Variants in BDKRB1 observed in about 807,000 individuals in gnomAD.
BDKRB1 encodes bradykinin receptor B1, also known as B1 bradykinin receptor.
For synonymous variants in BDKRB1, 192 were observed against 189.1 expected, an observed-to-expected ratio of 1.02 and a Z score of -0.13; for missense variants, 414 against 441.4, an observed-to-expected ratio of 0.94 and a Z score of 0.56.
At chr14:96,263,524 C>T in intron 2 of BDKRB1, 149 bp from the exon 3 acceptor site, 1 of 853,192 alleles carries the variant, frequency 1.2e-6, no homozygotes. Context: ...CCCCTTGTAG[C>T]ATGAACACAG....
At position 96,264,416 on chromosome 14, in the gene BDKRB1, A is replaced by G; in HGVS notation, c.734A>G (p.Asp245Gly). The change falls in exon 3 of 3, where the codon GAT becomes GGT. Residue 245 changes from aspartate to glycine, a missense_variant. Transcript: ENST00000216629. ...VSRTRCGGRK[D>G]SKTTALILTL... Reference sequence around the variant, plus strand: ...AGGACAAGGTGCGGGGGCCGCAAGGATAGCAAGACCACAGCGCTGATCCTC... The same window carrying G: ...AGGACAAGGTGCGGGGGCCGCAAGGGTAGCAAGACCACAGCGCTGATCCTC... 1 of 1,614,188 alleles carries G rather than the reference A, an allele frequency of 6.2e-7. No homozygotes were observed. The highest frequency in any genetic ancestry group is 8.5e-7 in the Non-Finnish European group (1 of 1,180,028).
chr14:96,264,062 T>C lies in BDKRB1; in HGVS notation c.380T>C (p.Leu127Pro), dbSNP rs1317133059. The change falls in exon 3 of 3, where the codon CTG (leucine) becomes CCG (proline). Residue 127 changes from leucine to proline, a missense_variant. Leu to Pro is a moderately conservative substitution (Grantham distance 98, BLOSUM62 -3). Transcript: ENST00000216629. Reference protein sequence around the residue: ...IKANLFISIFLVVAISQDRYR... With the variant: ...IKANLFISIFPVVAISQDRYR... ...GCCAATTTGTTCATCAGCATCTTCC[T>C]GGTGGTGGCCATCAGCCAGGACCGC... The C allele has an allele frequency of 2.5e-6, 4 of 1,612,392 alleles. No individual in the cohort carries two copies. The South Asian group carries it at 4.4e-5, about 18-fold the overall frequency.
chr14:96,263,930 A>C lies in BDKRB1; in HGVS notation c.248A>C (p.Asp83Ala), dbSNP rs778542638. 23 of 1,614,068 alleles carry C rather than the reference A, an allele frequency of 1.4e-5. No individual in the cohort carries two copies. The East Asian group carries it at 2.0e-4, about 14-fold the overall frequency. Residue 83 changes from aspartate to alanine, a missense_variant, in exon 3 of 3, where the codon GAT becomes GCT. By Grantham distance (126) the Asp-to-Ala change is moderately radical. Transcript: ENST00000216629. The part of the protein sequence containing the change: ...EIYLANLAAS[D>A]LVFVLGLPFW... ...TACCTGGCCAACCTGGCAGCCTCTG[A>C]TCTGGTGTTTGTCTTGGGCTTGCCC...
chr14:96,258,671 C>A (rs1175240037), intron 1 of BDKRB1, among the ~76,000 whole-genome samples: 1 of 152,154 alleles, frequency 6.6e-6, no homozygotes, highest in Non-Finnish European at 1.5e-5. Flanking sequence ...CAGGCGCCTG[C>A]CACCATGCCC....
At chr14:96,257,186 C>T (rs1277101838) in intron 1 of BDKRB1, among the ~76,000 whole-genome samples, 1 of 152,218 alleles carries the variant, frequency 6.6e-6, no homozygotes, top group Non-Finnish European at 1.5e-5. Context: ...GCTGCAGTGG[C>T]CCCAGCCACC....
At position 96,263,308 on chromosome 14, in the gene BDKRB1, C is replaced by T. The variant is rs1885800845; in HGVS notation, c.-10-365C>T. ...TGACAACAGCCCTCCCGTGATCCCA[C>T]AAGAGAGACACGATTCTCTCCAATG... On this transcript the variant is annotated intron_variant, in intron 2 of 2. Transcript: ENST00000216629. 2.6e-5 allele frequency among the ~76,000 whole-genome samples: 4 copies of T among 152,202 alleles called. No homozygotes were observed. In the South Asian group the frequency reaches 8.3e-4, roughly 32 times the overall value.
At chr14:96,263,581 A>T (rs1044610524) in intron 2 of BDKRB1, 92 bp from the exon 3 acceptor site, 6 of 1,368,336 alleles carry the variant, frequency 4.4e-6, no homozygotes, top group Non-Finnish European at 5.8e-6. Context: ...TGCCAATAAA[A>T]CTTTATTGTC....
chr14:96,264,226 C>G lies in BDKRB1; in HGVS notation c.544C>G (p.Pro182Ala), dbSNP rs1367118672. Reference sequence around the variant, plus strand: ...CCTGCTGCGATCCATCCAAGCCGTCCCAGATCTGAACATCACCGCCTGCAT... The same window carrying G: ...CCTGCTGCGATCCATCCAAGCCGTCGCAGATCTGAACATCACCGCCTGCAT... ...TFLLRSIQAV[P>A]DLNITACILL... is the part of the protein sequence containing the mutation. Residue 182 changes from proline to alanine, a missense_variant, in exon 3 of 3, where the codon CCA becomes GCA. By Grantham distance (27) the Pro-to-Ala change is conservative. Coordinates refer to ENST00000216629, the MANE Select transcript of BDKRB1 (RefSeq NM_000710.4). 1 of 1,614,132 alleles carries G rather than the reference C, an allele frequency of 6.2e-7. No homozygotes were observed. The highest frequency in any genetic ancestry group is 1.3e-5 in the African/African-American group (1 of 75,048).
In BDKRB1 at chr14:96,263,914, A is replaced by G; in HGVS notation, c.232A>G (p.Asn78Asp). ...QLNVAEIYLANLAASDLVFVL... is the reference protein window; with the variant it reads ...QLNVAEIYLADLAASDLVFVL... ...GAACGTGGCAGAAATCTACCTGGCC[A>G]ACCTGGCAGCCTCTGATCTGGTGTT... Residue 78 changes from asparagine to aspartate, a missense_variant, in exon 3 of 3, where the codon AAC becomes GAC. Physicochemically the swap from Asn to Asp is conservative, Grantham distance 23. Transcript: ENST00000216629. 1.2e-6 allele frequency: 2 copies of G among 1,614,250 alleles called. No individual in the cohort carries two copies. The highest frequency in any genetic ancestry group is 1.1e-5 in the South Asian group (1 of 91,088).
In BDKRB1 at chr14:96,263,822, T is replaced by C. The variant is rs1218065827; in HGVS notation, c.140T>C (p.Ile47Thr). 2 of 1,614,168 alleles carry C rather than the reference T, an allele frequency of 1.2e-6. No homozygotes were observed. Among genetic ancestry groups the C allele is most frequent in the Admixed American group, 1.7e-5 (1 of 60,016 alleles). Residue 47 changes from isoleucine (I) to threonine (T), a missense_variant, in exon 3 of 3, where the codon ATC (isoleucine) becomes ACC (threonine). Transcript: ENST00000216629. Reference sequence around the variant, plus strand: ...GTGCTGCCAACATTTATCATCTCCATCTGTTTCTTCGGCCTCCTAGGGAAC... The same window carrying C: ...GTGCTGCCAACATTTATCATCTCCACCTGTTTCTTCGGCCTCCTAGGGAAC... ...HRVLPTFIIS[I>T]CFFGLLGNLF...
chr14:96,261,259 C>T (rs75498564), intron 1 of BDKRB1, among the ~76,000 whole-genome samples: 4,679 of 152,354 alleles, frequency 0.031, 132 homozygotes, highest in East Asian at 0.13. Context: ...CAACTTCTTC[C>T]TCCTGCTAGG....
At chr14:96,256,953 C>T (rs1421162595) in intron 1 of BDKRB1, among the ~76,000 whole-genome samples, 1 of 152,202 alleles carries the variant, frequency 6.6e-6, no homozygotes, top group Non-Finnish European at 1.5e-5. Context: ...GTAGACTTGC[C>T]CAGTGCCCCT....
chr14:96,264,527 G>A lies in BDKRB1; in HGVS notation c.845G>A (p.Arg282Gln), dbSNP rs780193100. The A allele has an allele frequency of 7.8e-5, 126 of 1,614,038 alleles. No individual in the cohort carries two copies. The highest frequency in any genetic ancestry group is 1.8e-4 in the East Asian group (8 of 44,874). Residue 282 changes from arginine to glutamine, a missense_variant, in exon 3 of 3, where the codon CGA (arginine) becomes CAA (glutamine). Arg to Gln is a conservative substitution (Grantham distance 43). Transcript: ENST00000216629. The stretch of plus-strand genomic sequence containing the variant: ...TTCTTATTCCAGGTGCAAGCAGTCC[G>A]AGGCTGCTTTTGGGAGGACTTCATT... The part of the protein sequence containing the change: ...LEFLFQVQAV[R>Q]GCFWEDFIDL...
chr14:96,260,650 A>C (rs1885727703), intron 1 of BDKRB1, among the ~76,000 whole-genome samples: 1 of 152,190 alleles, frequency 6.6e-6, no homozygotes. Context: ...AGCCTCCTCC[A>C]TATTATGCTC....
At chr14:96,260,702 A>C (rs368250237) in intron 1 of BDKRB1, among the ~76,000 whole-genome samples, 1 of 152,148 alleles carries the variant, frequency 6.6e-6, no homozygotes, top group African/African-American at 2.4e-5. Context: ...TGGACATTTC[A>C]CAACCACCAA....
intron 1 of BDKRB1, among the ~76,000 whole-genome samples, chr14:96,258,107 C>A (rs1449390138): frequency 6.6e-6 from 1 of 152,062 alleles, no homozygotes; most frequent in Non-Finnish European, 1.5e-5. Flanking sequence ...TCAAAAAAGT[C>A]TTTAAATATA....
intron 1 of BDKRB1, among the ~76,000 whole-genome samples, chr14:96,258,665 C>T (rs147269767): frequency 2.9e-3 from 448 of 152,258 alleles, no homozygotes; most frequent in Middle Eastern, 6.8e-3. Flanking sequence ...GGATTACAGG[C>T]GCCTGCCACC....
chr14:96,263,441 T>TC (rs1885804038), intron 2 of BDKRB1, among the ~76,000 whole-genome samples: 2 of 152,172 alleles, frequency 1.3e-5, no homozygotes, highest in South Asian at 4.2e-4. Flanking sequence ...AGCAAACTTT[T>TC]CCCCCTCAGG....
At chr14:96,259,156 G>C (rs1428329600) in intron 1 of BDKRB1, among the ~76,000 whole-genome samples, 1 of 152,108 alleles carries the variant, frequency 6.6e-6, no homozygotes. Context: ...TTGACGTTTT[G>C]CTGCTCTATT....
Sources: allele counts gnomAD v4.1 joint callset (sites outside exome capture counted in the v4.1 genomes callset), GRCh38; gene constraint gnomAD v4.1.1; transcripts MANE v1.5; gene names NCBI Gene and HGNC (gene_info 2026-07-23, HGNC 2026-07-21).